TEK: variants seen among roughly 807,000 people sequenced by gnomAD.
TEK encodes TEK receptor tyrosine kinase.
A neutral mutation model predicts 131.8 loss-of-function variants in TEK; 43 were observed. The ratio of observed to expected loss-of-function variants is 0.33; its 90% CI spans 0.26 to 0.42. TEK has a LOEUF of 0.42. Ranked by LOEUF, TEK falls within the 10% of genes least tolerant of loss-of-function variation. TEK has a pLI of 1.00. For missense variants in TEK, 1,162 were observed against 1,384.4 expected (o/e 0.84, Z 2.55); for synonymous variants, 580 against 491.6 (o/e 1.18, Z -2.38).
intron 7 of TEK, among the ~76,000 whole-genome samples, chr9:27,183,180 G>A (rs1285146148): frequency 2.6e-5 from 4 of 152,242 alleles, no homozygotes; most frequent in African/African-American, 9.6e-5. Flanking sequence ...GTTCCTCCCT[G>A]GTCCATGAAA....
chr9:27,111,898 CTTT>C (rs34064691), intron 1 of TEK, among the ~76,000 whole-genome samples: 47 of 111,654 alleles, frequency 4.2e-4, no homozygotes, highest in East Asian at 5.6e-4. Flanking sequence ...TGTCACTTGA[CTTT>C]TTTTTTTTTT....
At chr9:27,202,507 T>TG (rs1384982357) in intron 12 of TEK, among the ~76,000 whole-genome samples, 1 of 152,354 alleles carries the variant, frequency 6.6e-6, no homozygotes, top group African/African-American at 2.4e-5. Flanking sequence ...ACTATATAAA[T>TG]GCCAGCCCTC....
At chr9:27,117,885 T>TGG (rs1821630536) in intron 1 of TEK, among the ~76,000 whole-genome samples, 1 of 152,116 alleles carries the variant, frequency 6.6e-6, no homozygotes, top group Non-Finnish European at 1.5e-5. Context: ...TCATGCTTCC[T>TGG]GGGGGGAGCA....
intron 1 of TEK, among the ~76,000 whole-genome samples, chr9:27,137,704 A>G (rs71510418): frequency 6.6e-6 from 1 of 151,690 alleles, no homozygotes; most frequent in Non-Finnish European, 1.5e-5. Context: ...TTTACTCTCA[A>G]TTTTAGTTAC....
chr9:27,209,059 G>A lies in TEK; in HGVS notation c.2576-62G>A, dbSNP rs145311928. 675 of 1,165,778 alleles carry A rather than the reference G, an allele frequency of 5.8e-4. 1 individual carries two copies. Among genetic ancestry groups the A allele is most frequent in the African/African-American group, 4.3e-3 (288 of 66,240 alleles). 72.2% of individuals were successfully genotyped at this position (1,165,778 alleles called of 1,614,324 possible). A position where few individuals can be genotyped will look rare whatever the true frequency, so the allele number is the denominator to read the frequency against. Reference sequence around the variant, plus strand: ...GCTGAAGGTTCTTAGGGGGCAGGACGGGACAGCTGATTCTGAAAAGGTGTA... The same window carrying A: ...GCTGAAGGTTCTTAGGGGGCAGGACAGGACAGCTGATTCTGAAAAGGTGTA... On this transcript the variant is annotated intron_variant, in intron 15 of 22. Transcript: ENST00000380036.
intron 19 of TEK, among the ~76,000 whole-genome samples, chr9:27,218,008 T>G (rs1825883130): frequency 6.6e-6 from 1 of 151,946 alleles, no homozygotes; most frequent in African/African-American, 2.4e-5. Context: ...GTGCTTCAAG[T>G]TGCGAATTCT....
intron 2 of TEK, among the ~76,000 whole-genome samples, chr9:27,167,993 C>T (rs1823797401): frequency 6.6e-6 from 1 of 152,080 alleles, no homozygotes; most frequent in South Asian, 2.1e-4. Flanking sequence ...ATCCAAAAAT[C>T]TGAAATCTGA....
chr9:27,190,815 G>A (rs1824790354), intron 10 of TEK, 125 bp downstream of exon 10: 2 of 1,384,930 alleles, frequency 1.4e-6, no homozygotes, highest in Admixed American at 3.7e-5. Context: ...CTGTTGCAGA[G>A]GATTCTGTTT....
At chr9:27,206,265 T>C (rs1314128354) in intron 14 of TEK, among the ~76,000 whole-genome samples, 1 of 152,154 alleles carries the variant, frequency 6.6e-6, no homozygotes, top group African/African-American at 2.4e-5. Flanking sequence ...CACAACACTG[T>C]AGGGAACTCA....
chr9:27,208,566 T>C (rs1254359616), intron 15 of TEK, among the ~76,000 whole-genome samples: 1 of 152,236 alleles, frequency 6.6e-6, no homozygotes, highest in Non-Finnish European at 1.5e-5. Flanking sequence ...TTGATTTGTT[T>C]AGCTCAATCA....
intron 1 of TEK, among the ~76,000 whole-genome samples, chr9:27,151,396 G>C (rs7034505): frequency 6.6e-6 from 1 of 151,906 alleles, no homozygotes; most frequent in African/African-American, 2.4e-5. Flanking sequence ...CTTTAAGATA[G>C]AGAAAGAACA....
intron 15 of TEK, among the ~76,000 whole-genome samples, chr9:27,208,357 T>G (rs1351661688): frequency 1.3e-5 from 2 of 152,044 alleles, no homozygotes; most frequent in African/African-American, 4.8e-5. Flanking sequence ...GTTTTTTTTT[T>G]TAAAGCAGCC....
At position 27,212,640 on chromosome 9, in the gene TEK, C is replaced by T. The variant is rs1825678303; in HGVS notation, c.2687-67C>T. On this transcript the variant is annotated intron_variant, in intron 16 of 22. Coordinates refer to ENST00000380036, the MANE Select transcript of TEK (RefSeq NM_000459.5). ...TGGAGTTTATAGGCAATTTCCACAG[C>T]ACATCTCTTAAATGTCATAGCTGTT... 8 of 1,560,616 alleles carry T rather than the reference C, an allele frequency of 5.1e-6. 1 individual carries two copies. The South Asian group carries it at 7.9e-5, about 15-fold the overall frequency.
chr9:27,118,807 C>T (rs1449877470), intron 1 of TEK, among the ~76,000 whole-genome samples: 1 of 152,056 alleles, frequency 6.6e-6, no homozygotes, highest in African/African-American at 2.4e-5. Flanking sequence ...AGAAGATGCA[C>T]AACCCAACAG....
chr9:27,135,771 G>A (rs1375008950), intron 1 of TEK, among the ~76,000 whole-genome samples: 1 of 37,036 alleles, frequency 2.7e-5, no homozygotes, highest in East Asian at 2.1e-4. Flanking sequence ...CTATCTCAGA[G>A]CAGACCTTAA....
intron 10 of TEK, 122 bp from the exon 11 acceptor site, chr9:27,192,367 C>A: frequency 8.9e-7 from 1 of 1,119,214 alleles, no homozygotes; most frequent in Non-Finnish European, 1.4e-6. Flanking sequence ...AATTGCCTCT[C>A]TGTTTCACTA....
At chr9:27,111,185 G>C (rs941249862) in intron 1 of TEK, among the ~76,000 whole-genome samples, 4 of 151,996 alleles carry the variant, frequency 2.6e-5, no homozygotes, top group African/African-American at 9.7e-5. Flanking sequence ...CTAGACCTCA[G>C]ATCCCTGGAA....
At chr9:27,121,939 A>C (rs1821808088) in intron 1 of TEK, among the ~76,000 whole-genome samples, 1 of 152,242 alleles carries the variant, frequency 6.6e-6, no homozygotes, top group Non-Finnish European at 1.5e-5. Flanking sequence ...ACAGAGTTTC[A>C]CAGTGATCGA....
At chr9:27,120,391 GTCT>G (rs1260078284) in intron 1 of TEK, among the ~76,000 whole-genome samples, 7 of 152,384 alleles carry the variant, frequency 4.6e-5, no homozygotes, top group Admixed American at 4.6e-4. Context: ...CTTCTAAGAA[GTCT>G]TCTTTAACCT....
Sources: allele counts gnomAD v4.1 joint callset (sites outside exome capture counted in the v4.1 genomes callset), GRCh38; gene constraint gnomAD v4.1.1; transcripts MANE v1.5; gene names NCBI Gene and HGNC (gene_info 2026-07-23, HGNC 2026-07-21).